Variants in PRKG1 observed in about 807,000 individuals in gnomAD.
PRKG1 encodes the protein protein kinase cGMP-dependent 1.
PRKG1 carries 35 observed loss-of-function variants against 88.1 expected under a neutral mutation model. The observed-to-expected ratio is 0.40, with a 90% CI of 0.30 to 0.53. PRKG1 has a LOEUF of 0.53. Ranked by LOEUF, PRKG1 falls within the 20% of genes least tolerant of loss-of-function variation. The pLI is 0.59. For synonymous variants in PRKG1, 303 were observed against 292.5 expected (o/e 1.04, Z -0.37); for missense variants, 540 against 839.8 (o/e 0.64, Z 4.41).
At chr10:52,086,510 T>C (rs1048795449) in intron 7 of PRKG1, among the ~76,000 whole-genome samples, 10 of 151,580 alleles carry the variant, frequency 6.6e-5, no homozygotes, top group Admixed American at 5.3e-4. Flanking sequence ...ATTGAAGCAA[T>C]TTTCCTGCCT....
At chr10:51,817,050 T>C (rs1839604785) in intron 4 of PRKG1, among the ~76,000 whole-genome samples, 1 of 152,182 alleles carries the variant, frequency 6.6e-6, no homozygotes, top group Non-Finnish European at 1.5e-5. Context: ...GAATTTTAAT[T>C]ACACAGAATT....
At chr10:51,379,031 G>T (rs975799714) in intron 2 of PRKG1, among the ~76,000 whole-genome samples, 1 of 152,148 alleles carries the variant, frequency 6.6e-6, no homozygotes, top group African/African-American at 2.4e-5. Context: ...TGGTGAGCTT[G>T]ACTATCTGGC....
At chr10:52,250,898 C>T (rs1182703510) in intron 9 of PRKG1, among the ~76,000 whole-genome samples, 1 of 152,070 alleles carries the variant, frequency 6.6e-6, no homozygotes, top group African/African-American at 2.4e-5. Flanking sequence ...AACTTGCAAA[C>T]ATAAAGACAC....
chr10:51,905,367 A>G (rs1842064061), intron 4 of PRKG1, among the ~76,000 whole-genome samples: 1 of 152,190 alleles, frequency 6.6e-6, no homozygotes, highest in Non-Finnish European at 1.5e-5. Context: ...TGACAAATTA[A>G]CAACAAAATG....
At chr10:51,476,274 G>T (rs1469211060) in intron 3 of PRKG1, among the ~76,000 whole-genome samples, 1 of 152,040 alleles carries the variant, frequency 6.6e-6, no homozygotes, top group Non-Finnish European at 1.5e-5. Context: ...GTCAATATTT[G>T]CAGGAGTCCT....
intron 5 of PRKG1, among the ~76,000 whole-genome samples, chr10:51,944,939 G>T (rs1192930607): frequency 6.6e-6 from 1 of 151,648 alleles, no homozygotes; most frequent in African/African-American, 2.4e-5. Flanking sequence ...CTGTTGATTT[G>T]GGGTGGAGAG....
chr10:51,523,325 G>A (rs1236602329), intron 3 of PRKG1, among the ~76,000 whole-genome samples: 1 of 152,126 alleles, frequency 6.6e-6, no homozygotes, highest in Non-Finnish European at 1.5e-5. Context: ...AGATGGCTGT[G>A]TCCATGATTT....
At chr10:52,235,973 A>C (rs1221193062) in intron 9 of PRKG1, among the ~76,000 whole-genome samples, 3 of 97,828 alleles carry the variant, frequency 3.1e-5, no homozygotes, top group Non-Finnish European at 4.0e-5. Flanking sequence ...TATCTCTCAG[A>C]CCACAGTGCA....
intron 3 of PRKG1, 125 bp downstream of exon 3, chr10:51,467,961 C>T (rs1209538134): frequency 2.5e-6 from 2 of 803,508 alleles, no homozygotes; most frequent in East Asian, 2.7e-5. Flanking sequence ...AATTTTTGCC[C>T]TGCAATATAG....
At chr10:51,608,541 T>C (rs1451816901) in intron 3 of PRKG1, among the ~76,000 whole-genome samples, 1 of 152,234 alleles carries the variant, frequency 6.6e-6, no homozygotes, top group Non-Finnish European at 1.5e-5. Flanking sequence ...AAAAGCTTTA[T>C]GATTCTAACA....
chr10:51,807,953 G>T (rs1022718148), intron 4 of PRKG1, among the ~76,000 whole-genome samples: 1 of 152,074 alleles, frequency 6.6e-6, no homozygotes, highest in African/African-American at 2.4e-5. Flanking sequence ...TCCCTTCAGG[G>T]TGTGTTTTTC....
At chr10:51,543,045 T>C (rs947873232) in intron 3 of PRKG1, among the ~76,000 whole-genome samples, 3 of 152,176 alleles carry the variant, frequency 2.0e-5, no homozygotes, top group Admixed American at 6.5e-5. Flanking sequence ...CTGAGTCAGA[T>C]ATGTATTACT....
chr10:51,701,836 A>G (rs1216141792), intron 3 of PRKG1, among the ~76,000 whole-genome samples: 1 of 152,214 alleles, frequency 6.6e-6, no homozygotes, highest in Non-Finnish European at 1.5e-5. Context: ...GATACTGTCT[A>G]AACCAGTGGT....
chr10:52,058,060 GAC>G (rs938540729), intron 6 of PRKG1, among the ~76,000 whole-genome samples: 2 of 151,734 alleles, frequency 1.3e-5, no homozygotes, highest in African/African-American at 4.8e-5. Flanking sequence ...ATTTTATATA[GAC>G]ATATATATTA....
intron 8 of PRKG1, among the ~76,000 whole-genome samples, chr10:52,157,322 T>G (rs1013190725): frequency 4.8e-4 from 37 of 77,570 alleles, no homozygotes; most frequent in African/African-American, 1.9e-3. Context: ...TATATATATA[T>G]ATATATATAT....
intron 7 of PRKG1, among the ~76,000 whole-genome samples, chr10:52,098,644 T>C (rs747209394): frequency 6.6e-6 from 1 of 151,984 alleles, no homozygotes; most frequent in Non-Finnish European, 1.5e-5. Context: ...AAATGTAAAA[T>C]TGAGAATGAG....
intron 3 of PRKG1, among the ~76,000 whole-genome samples, chr10:51,584,635 A>C (rs1372895381): frequency 1.3e-5 from 2 of 152,044 alleles, no homozygotes; most frequent in Non-Finnish European, 2.9e-5. Flanking sequence ...GAGGAATAAC[A>C]AAACAAATTG....
At chr10:51,614,794 A>G (rs866992880) in intron 3 of PRKG1, among the ~76,000 whole-genome samples, 25 of 151,926 alleles carry the variant, frequency 1.6e-4, no homozygotes, top group African/African-American at 5.8e-4. Flanking sequence ...GCCAAAGCTG[A>G]CCTAGTGGTC....
chr10:51,635,444 A>G (rs1246307019), intron 3 of PRKG1, among the ~76,000 whole-genome samples: 1 of 152,102 alleles, frequency 6.6e-6, no homozygotes, highest in Non-Finnish European at 1.5e-5. Flanking sequence ...TCATGAGAAA[A>G]TTGTCTTAAA....
Sources: gnomAD v4.1 joint callset for allele counts (sites outside exome capture counted in the v4.1 genomes callset) on GRCh38, gnomAD v4.1.1 for gene constraint, MANE v1.5 for transcripts, NCBI Gene and HGNC (gene_info 2026-07-23, HGNC 2026-07-21) for gene names.